BCL11B: variants seen among roughly 807,000 people sequenced by gnomAD.
BCL11B encodes BCL11 transcription factor B, also known as B-cell lymphoma/leukemia 11B.
In BCL11B, 8 loss-of-function variants were observed where a neutral mutation model predicts 49.9. The observed-to-expected ratio is 0.16, with a 90% confidence interval of 0.09 to 0.29. The LOEUF is 0.29. BCL11B is among the 10% of genes least tolerant of loss of function. The pLI, the probability that BCL11B is intolerant of heterozygous loss-of-function variation, is 1.00. For missense variants in BCL11B, 1,006 were observed against 1,351.0 expected (o/e 0.74, Z 4.00); for synonymous variants, 739 against 637.4 (o/e 1.16, Z -2.40).
chr14:99,270,216 C>G (rs951327502), intron 1 of BCL11B, among the ~76,000 whole-genome samples: 10 of 152,246 alleles, frequency 6.6e-5, no homozygotes, highest in African/African-American at 2.4e-4. Flanking sequence ...CGGTGGATTT[C>G]CACTGCGACC....
intron 3 of BCL11B, among the ~76,000 whole-genome samples, chr14:99,216,594 A>T (rs1189665944): frequency 6.6e-6 from 1 of 152,160 alleles, no homozygotes; most frequent in Non-Finnish European, 1.5e-5. Context: ...AAGAAGGTGA[A>T]TTCAGCTCTA....
In BCL11B at chr14:99,262,871, G is replaced by C. The variant is rs764959723; in HGVS notation, c.59-5032C>G. The C allele has an allele frequency of 2.6e-5, 4 of 151,946 alleles. No homozygotes were observed. Among genetic ancestry groups the C allele is most frequent in the Non-Finnish European group, 4.4e-5 (3 of 68,004 alleles). The allele number at this position is 151,946 out of a possible 1,614,324, so 9.4% of individuals were successfully genotyped here. A position where few individuals can be genotyped will look rare whatever the true frequency, so the allele number is the denominator to read the frequency against. ...AACCGTAGGGAGGGGGGAGGAGAAG[G>C]GTGGAGGGGGAGAGAGCAGGAATCA... On this transcript the variant is annotated intron_variant, in intron 1 of 3. Transcript: ENST00000357195. The surrounding 1 kb of genome is among the most constrained non-coding windows in gnomAD (Gnocchi z 4.2).
Position 99,170,483 on chromosome 14 carries a change from T to C in BCL11B, c.*3668A>G, listed in dbSNP as rs888800909. 4.4e-6 allele frequency: 1 copy of C among 228,000 alleles called. No homozygotes were observed. Among genetic ancestry groups the C allele is most frequent in the Non-Finnish European group, 8.7e-6 (1 of 114,752 alleles). 14.1% of individuals were successfully genotyped at this position (228,000 alleles called of 1,614,324 possible). On this transcript the variant is annotated 3_prime_UTR_variant, in exon 4 of 4. Transcript: ENST00000357195. ...TCATCCAAAAGACCACCACTTTATC[T>C]TAAAGCTACTTGGCTTTACAAAAAA...
At chr14:99,217,385 GACACACACACACAC>G (rs112404818) in intron 3 of BCL11B, among the ~76,000 whole-genome samples, 1 of 131,018 alleles carries the variant, frequency 7.6e-6, no homozygotes, top group African/African-American at 2.7e-5. Flanking sequence ...CACACATACA[GACACACACACACAC>G]ACACACACAC....
At chr14:99,229,805 C>T (rs1305731180) in intron 3 of BCL11B, among the ~76,000 whole-genome samples, 6 of 152,052 alleles carry the variant, frequency 3.9e-5, no homozygotes, top group African/African-American at 1.4e-4. Context: ...GAGGCTGCAG[C>T]GCTAATGACA....
At chr14:99,246,109 C>T (rs1463427232) in intron 2 of BCL11B, among the ~76,000 whole-genome samples, 1 of 151,974 alleles carries the variant, frequency 6.6e-6, no homozygotes, top group Admixed American at 6.5e-5. Context: ...CGAGGGAAAC[C>T]CCTTCCCAAA....
rs75059675 is a variant in BCL11B, at chr14:99,188,373, G to T, written c.641-12178C>A. On this transcript the variant is annotated intron_variant, in intron 3 of 3. Coordinates refer to ENST00000357195, the MANE Select transcript of BCL11B (RefSeq NM_138576.4). ...ATTTTGCAAGTAATTTCCCCCCAGT[G>T]GGGTTCAGAGACCATTACCCAGTCC... is the stretch of plus-strand genomic sequence containing the variant. Among the ~76,000 whole-genome samples the T allele has an allele frequency of 3.0e-3, 463 of 152,330 alleles. 2 individuals carry two copies. Among genetic ancestry groups the T allele is most frequent in the South Asian group, 5.4e-3 (26 of 4,824 alleles).
At chr14:99,186,742 T>C (rs1164575514) in intron 3 of BCL11B, among the ~76,000 whole-genome samples, 1 of 152,200 alleles carries the variant, frequency 6.6e-6, no homozygotes, top group Non-Finnish European at 1.5e-5. Context: ...ATTTCGTCCA[T>C]GAAAAATTTC....
intron 2 of BCL11B, among the ~76,000 whole-genome samples, chr14:99,245,925 C>G (rs1330009479): frequency 6.6e-6 from 1 of 151,956 alleles, no homozygotes; most frequent in African/African-American, 2.4e-5. Context: ...CGCTGGGCTG[C>G]TGCTGGGCTG....
chr14:99,175,149 T>C lies in BCL11B; in HGVS notation c.1687A>G (p.Ser563Gly). ...ESSFSMDSEL[S>G]RNRENGGGGV... is the part of the protein sequence containing the mutation. Reference sequence around the variant, plus strand: ...CCACCGCCGTTCTCGCGGTTGCGGCTCAGCTCCGAGTCCATGCTGAAGCTC... The same window carrying C: ...CCACCGCCGTTCTCGCGGTTGCGGCCCAGCTCCGAGTCCATGCTGAAGCTC... The change falls in exon 4 of 4, where the codon AGC becomes GGC. Residue 563 changes from serine (S) to glycine (G), a missense_variant. Physicochemically the swap from Ser to Gly is moderately conservative, Grantham distance 56 (BLOSUM62 0). Coordinates refer to ENST00000357195, the MANE Select transcript of BCL11B (RefSeq NM_138576.4). 2 of 1,594,852 alleles carry C rather than the reference T, an allele frequency of 1.3e-6. No individual in the cohort carries two copies. The highest frequency in any genetic ancestry group is 1.7e-6 in the Non-Finnish European group (2 of 1,173,298).
intron 1 of BCL11B, among the ~76,000 whole-genome samples, chr14:99,266,287 C>CTGTTTT (rs1346610720): frequency 4.6e-5 from 7 of 152,166 alleles, no homozygotes; most frequent in Non-Finnish European, 7.3e-5. Flanking sequence ...CTCCCAAAAG[C>CTGTTTT]AGCAACTCTC....
intron 2 of BCL11B, among the ~76,000 whole-genome samples, chr14:99,246,542 G>GC (rs1451055739): frequency 4.6e-5 from 7 of 152,358 alleles, no homozygotes; most frequent in East Asian, 3.9e-4. Flanking sequence ...CGCAGGGGAG[G>GC]CCCCCGCGCA....
At chr14:99,251,222 A>G (rs1488815713) in intron 2 of BCL11B, among the ~76,000 whole-genome samples, 1 of 152,216 alleles carries the variant, frequency 6.6e-6, no homozygotes, top group African/African-American at 2.4e-5. Flanking sequence ...CAAGTCACTG[A>G]GCAGGTGAGA....
chr14:99,180,348 GCTT>G (rs370349123), intron 3 of BCL11B, among the ~76,000 whole-genome samples: 283 of 152,296 alleles, frequency 1.9e-3, no homozygotes, highest in Non-Finnish European at 2.3e-3. Context: ...GTCTTCCCTT[GCTT>G]CTTTCCATCC....
In BCL11B at chr14:99,173,803, G is replaced by GT. The variant is rs1555375992; in HGVS notation, c.*347dup. 6.1e-6 allele frequency: 2 copies of GT among 325,434 alleles called. No individual in the cohort carries two copies. Among genetic ancestry groups the GT allele is most frequent in the East Asian group, 1.0e-4 (2 of 19,124 alleles). The allele number at this position is 325,434 out of a possible 1,614,324, so 20.2% of individuals were successfully genotyped here. On this transcript the variant is annotated 3_prime_UTR_variant, in exon 4 of 4. Coordinates refer to ENST00000357195, the MANE Select transcript of BCL11B (RefSeq NM_138576.4). ...GAGTCATTGCTCAGGCTACTACCGGGTTAAAAAAAAAACAAAGAAGGGATG... is the reference window on the plus strand; with the variant it reads ...GAGTCATTGCTCAGGCTACTACCGGGTTTAAAAAAAAAACAAAGAAGGGATG...
intron 3 of BCL11B, among the ~76,000 whole-genome samples, chr14:99,224,125 T>C (rs1888092877): frequency 6.6e-6 from 1 of 152,168 alleles, no homozygotes. Flanking sequence ...CCCTCCCAGG[T>C]ACCATATCAG....
chr14:99,205,201 G>A lies in BCL11B; in HGVS notation c.640+26144C>T, dbSNP rs1887499821. On this transcript the variant is annotated intron_variant, in intron 3 of 3. Coordinates refer to ENST00000357195, the MANE Select transcript of BCL11B (RefSeq NM_138576.4). The surrounding 1 kb of genome is among the most constrained non-coding windows in gnomAD (Gnocchi z 5.0). ...TTGAACGAACCGAGGGCCCTCCTGG[G>A]CTGTCAAGAGAGAATTCTACAGCTG... Among the ~76,000 whole-genome samples, 1 of 152,122 alleles carries A rather than the reference G, an allele frequency of 6.6e-6. No homozygotes were observed. The highest frequency in any genetic ancestry group is 2.4e-5 in the African/African-American group (1 of 41,434).
intron 3 of BCL11B, among the ~76,000 whole-genome samples, chr14:99,185,263 C>T (rs530324177): frequency 1.3e-5 from 2 of 152,066 alleles, no homozygotes; most frequent in Admixed American, 6.5e-5. Context: ...ATGGTGAAAC[C>T]CCATCTCTAC....
chr14:99,250,226 G>C (rs1250370985), intron 2 of BCL11B, among the ~76,000 whole-genome samples: 1 of 151,600 alleles, frequency 6.6e-6, no homozygotes, highest in African/African-American at 2.4e-5. Flanking sequence ...TAGTCGAGAC[G>C]GAGTTTCACC....
Sources: allele counts gnomAD v4.1 joint callset (sites outside exome capture counted in the v4.1 genomes callset), GRCh38; gene constraint gnomAD v4.1.1; non-coding constraint Gnocchi (gnomAD v3.1); transcripts MANE v1.5; gene names NCBI Gene and HGNC (gene_info 2026-07-23, HGNC 2026-07-21).